The following PDE4D variants were observed in gnomAD, a reference collection of about 807,000 sequenced individuals.
PDE4D encodes 3',5'-cyclic-AMP phosphodiesterase 4D.
A neutral mutation model predicts 87.4 loss-of-function variants in PDE4D; 24 were observed. The observed-to-expected ratio is 0.27, with a 90% CI of 0.20 to 0.39. PDE4D has a LOEUF of 0.39. Ranked by LOEUF, PDE4D falls within the 10% of genes least tolerant of loss-of-function variation. PDE4D has a pLI of 1.00. For synonymous variants in PDE4D, 384 were observed against 383.2 expected (o/e 1.00, Z -0.02); for missense variants, 714 against 1,041.0 (o/e 0.69, Z 4.32).
At chr5:60,382,384 G>A (rs1761921973) in intron 1 of PDE4D, among the ~76,000 whole-genome samples, 1 of 152,040 alleles carries the variant, frequency 6.6e-6, no homozygotes, top group Non-Finnish European at 1.5e-5. Flanking sequence ...GTCCTATGGG[G>A]TTTCATTTCA....
chr5:59,485,169 G>A (rs1014462789), intron 1 of PDE4D, among the ~76,000 whole-genome samples: 3 of 152,172 alleles, frequency 2.0e-5, no homozygotes, highest in African/African-American at 7.2e-5. Context: ...GCTTTTAGAA[G>A]ACACAGTAAG....
chr5:60,308,998 T>G (rs1163066633), intron 1 of PDE4D, among the ~76,000 whole-genome samples: 2 of 152,132 alleles, frequency 1.3e-5, no homozygotes, highest in African/African-American at 4.8e-5. Flanking sequence ...GCCTCTATGT[T>G]TGCCTTCATA....
intron 1 of PDE4D, among the ~76,000 whole-genome samples, chr5:59,410,526 C>T (rs6892252): frequency 0.17 from 25,779 of 152,100 alleles, 2,919 homozygotes; most frequent in African/African-American, 0.31. Context: ...GGATTGCAGG[C>T]GTGAGCCCCT....
intron 2 of PDE4D, among the ~76,000 whole-genome samples, chr5:59,992,846 T>C (rs1763151551): frequency 6.6e-6 from 1 of 152,188 alleles, no homozygotes; most frequent in Non-Finnish European, 1.5e-5. Flanking sequence ...AGGGCTATAT[T>C]CTAACATTTT....
At chr5:60,375,699 A>G (rs1243342677) in intron 1 of PDE4D, among the ~76,000 whole-genome samples, 2 of 152,160 alleles carry the variant, frequency 1.3e-5, no homozygotes, top group Non-Finnish European at 2.9e-5. Flanking sequence ...GCATTTTTGG[A>G]GGGCACAGGC....
intron 3 of PDE4D, among the ~76,000 whole-genome samples, chr5:59,934,126 C>T (rs1022012468): frequency 6.6e-6 from 1 of 152,104 alleles, no homozygotes; most frequent in African/African-American, 2.4e-5. Flanking sequence ...GCCACCATAC[C>T]TGGCTAATTT....
At chr5:59,625,136 AT>A (rs1330530303) in intron 1 of PDE4D, among the ~76,000 whole-genome samples, 2 of 152,214 alleles carry the variant, frequency 1.3e-5, no homozygotes, top group African/African-American at 4.8e-5. Context: ...CATGAGTCCT[AT>A]AAAACCTATA....
chr5:59,683,924 A>G (rs1749441490), intron 1 of PDE4D, among the ~76,000 whole-genome samples: 1 of 152,180 alleles, frequency 6.6e-6, no homozygotes, highest in African/African-American at 2.4e-5. Flanking sequence ...GGGCTCATAG[A>G]ATAAAGTCCA....
chr5:59,634,639 G>A (rs1229176648), intron 1 of PDE4D, among the ~76,000 whole-genome samples: 1 of 152,166 alleles, frequency 6.6e-6, no homozygotes, highest in East Asian at 1.9e-4. Flanking sequence ...AATGACTACT[G>A]GGTGAATAAC....
chr5:60,261,369 T>C (rs916772033), intron 1 of PDE4D, among the ~76,000 whole-genome samples: 2 of 152,160 alleles, frequency 1.3e-5, no homozygotes, highest in Non-Finnish European at 2.9e-5. Context: ...CTGATTCTCC[T>C]TCTCCCTTAT....
chr5:60,217,004 C>A (rs1743921086), intron 1 of PDE4D, among the ~76,000 whole-genome samples: 1 of 152,024 alleles, frequency 6.6e-6, no homozygotes, highest in African/African-American at 2.4e-5. Flanking sequence ...GCACATGGGA[C>A]ATTTTTCAGG....
rs1356572224 is a variant in PDE4D, at chr5:59,575,861, A to G, written c.455+317307T>C. On this transcript the variant is annotated intron_variant, in intron 1 of 14. Coordinates refer to ENST00000340635, the MANE Select transcript of PDE4D (RefSeq NM_001104631.2). ...TGTATAAGGTAGGCACTGACTCAAC[A>G]TGGGAGGGCACATCAGTCGATTCTT... Among the ~76,000 whole-genome samples, 48 of 152,158 alleles carry G rather than the reference A, an allele frequency of 3.2e-4. 2 individuals carry two copies.
At chr5:59,514,199 G>A (rs1413576949) in intron 1 of PDE4D, among the ~76,000 whole-genome samples, 4 of 151,066 alleles carry the variant, frequency 2.6e-5, no homozygotes, top group South Asian at 2.1e-4. Context: ...TCCGCCTCCC[G>A]GGTTCACACC....
At chr5:60,454,186 A>G (rs1746294237) in intron 1 of PDE4D, among the ~76,000 whole-genome samples, 1 of 152,154 alleles carries the variant, frequency 6.6e-6, no homozygotes, top group Admixed American at 6.6e-5. Context: ...CTTCACACTT[A>G]GATGTCATTT....
chr5:60,080,910 G>A (rs1296795359), intron 2 of PDE4D, among the ~76,000 whole-genome samples: 1 of 152,158 alleles, frequency 6.6e-6, no homozygotes, highest in Non-Finnish European at 1.5e-5. Flanking sequence ...AGTTAGGGAG[G>A]AGTCCCTCCT....
intron 1 of PDE4D, among the ~76,000 whole-genome samples, chr5:59,623,417 G>GACTC (rs1160940199): frequency 6.6e-6 from 1 of 152,076 alleles, no homozygotes; most frequent in Non-Finnish European, 1.5e-5. Flanking sequence ...AATTTCTTCA[G>GACTC]ACTCACCTCC....
chr5:59,295,549 C>T (rs977505359), intron 1 of PDE4D, among the ~76,000 whole-genome samples: 6 of 152,076 alleles, frequency 3.9e-5, no homozygotes, highest in African/African-American at 2.4e-5. Flanking sequence ...CTGCCTAGTT[C>T]GTAACATCAG....
chr5:59,339,968 C>A (rs1374584169), intron 1 of PDE4D, among the ~76,000 whole-genome samples: 5 of 150,428 alleles, frequency 3.3e-5, no homozygotes, highest in Non-Finnish European at 1.5e-5. Flanking sequence ...AAAAGCAATT[C>A]TCATTGGTGC....
intron 1 of PDE4D, among the ~76,000 whole-genome samples, chr5:59,849,241 T>C (rs1744321863): frequency 6.6e-6 from 1 of 151,996 alleles, no homozygotes. Context: ...AGAATGCTTT[T>C]TCAAGAAAAA....
Sources: allele counts gnomAD v4.1 joint callset (sites outside exome capture counted in the v4.1 genomes callset), GRCh38; gene constraint gnomAD v4.1.1; transcripts MANE v1.5; gene names NCBI Gene and HGNC (gene_info 2026-07-23, HGNC 2026-07-21).